The following GRIP1 variants were observed in gnomAD, a reference collection of about 807,000 sequenced individuals.
GRIP1 encodes glutamate receptor interacting protein 1.
Under a neutral mutation model 129.9 loss-of-function variants are expected in GRIP1, and 45 were observed. That is an observed-to-expected ratio of 0.35 (90% CI 0.27 to 0.44). The LOEUF (loss-of-function observed/expected upper bound fraction) is 0.44. GRIP1 is among the 20% of genes least tolerant of loss of function. The probability of loss-of-function intolerance (pLI) is 1.00; values close to 1 mark genes in which losing one functional copy is unlikely to be tolerated. For synonymous variants in GRIP1, 530 were observed against 520.8 expected, an observed-to-expected ratio of 1.02 and a Z score of -0.24; for missense variants, 1,196 against 1,396.8, an observed-to-expected ratio of 0.86 and a Z score of 2.29.
intron 1 of GRIP1, among the ~76,000 whole-genome samples, chr12:66,843,202 T>C (rs1364154964): frequency 6.6e-6 from 1 of 152,022 alleles, no homozygotes; most frequent in South Asian, 2.1e-4. Context: ...ACAATTCTAC[T>C]TATAATAACA....
At chr12:66,764,241 T>C (rs1390197881) in intron 1 of GRIP1, among the ~76,000 whole-genome samples, 1 of 152,220 alleles carries the variant, frequency 6.6e-6, no homozygotes, top group Admixed American at 6.5e-5. Context: ...ATAAGGAATG[T>C]AAACTCCAGT....
intron 1 of GRIP1, among the ~76,000 whole-genome samples, chr12:67,060,512 A>G (rs1356150583): frequency 2.0e-5 from 3 of 152,198 alleles, no homozygotes; most frequent in African/African-American, 7.2e-5. Flanking sequence ...TACATATTTA[A>G]GTAGTATAAT....
intron 2 of GRIP1, among the ~76,000 whole-genome samples, chr12:66,577,338 A>C (rs1221366985): frequency 6.6e-6 from 1 of 152,214 alleles, no homozygotes; most frequent in African/African-American, 2.4e-5. Flanking sequence ...GTAAGACAGT[A>C]AGTTTCCTGT....
chr12:66,847,880 G>A (rs1156637541), intron 1 of GRIP1, among the ~76,000 whole-genome samples: 3 of 152,280 alleles, frequency 2.0e-5, no homozygotes, highest in East Asian at 1.9e-4. Context: ...TACTGGATAT[G>A]AGTATGTGTT....
intron 1 of GRIP1, among the ~76,000 whole-genome samples, chr12:66,848,562 GA>G (rs1355401300): frequency 6.6e-6 from 1 of 152,098 alleles, no homozygotes; most frequent in Non-Finnish European, 1.5e-5. Context: ...ATGGGTCACA[GA>G]AGGTTTCCTG....
intron 1 of GRIP1, among the ~76,000 whole-genome samples, chr12:66,885,219 G>A (rs1044802971): frequency 5.3e-5 from 8 of 152,086 alleles, no homozygotes; most frequent in South Asian, 2.1e-4. Flanking sequence ...GGTGCCTCAC[G>A]CCCACGAAAG....
In GRIP1 at chr12:66,736,346, ATTTTTTTTTTTTTTTTTTTTTTTT is replaced by A. The variant is rs547706592; in HGVS notation, c.-420+67683_-420+67706del. ...AGGTGTGCACCACCGTGCCTGGCTAATTTTTTTTTTTTTTTTTTTTTTTTTTTTTTTTTTTTTTTTTTTTTTAGG... is the reference window on the plus strand; with the variant it reads ...AGGTGTGCACCACCGTGCCTGGCTAATTTTTTTTTTTTTTTTTTTTTTAGG... On this transcript the variant is annotated intron_variant, in intron 1 of 4. Coordinates refer to the GRIP1 transcript ENST00000538373. Among the ~76,000 whole-genome samples, 154 of 67,022 alleles carry A rather than the reference ATTTTTTTTTTTTTTTTTTTTTTTT, an allele frequency of 2.3e-3. 1 individual carries two copies. The highest frequency in any genetic ancestry group is 8.5e-3 in the Middle Eastern group (1 of 118). 44.0% of individuals were successfully genotyped at this position (67,022 alleles called of 152,430 possible). A position where few individuals can be genotyped will look rare whatever the true frequency, so the allele number is the denominator to read the frequency against.
intron 1 of GRIP1, among the ~76,000 whole-genome samples, chr12:66,918,278 G>C (rs2041159666): frequency 6.6e-6 from 1 of 151,948 alleles, no homozygotes; most frequent in Non-Finnish European, 1.5e-5. Flanking sequence ...TAGTTTGAAG[G>C]CAGTTAGGCA....
intron 15 of GRIP1, among the ~76,000 whole-genome samples, chr12:66,411,634 A>C (rs548080312): frequency 6.6e-6 from 1 of 152,340 alleles, no homozygotes; most frequent in Non-Finnish European, 1.5e-5. Context: ...AGCTGAGATG[A>C]CTGAATTGGC....
Position 66,504,194 on chromosome 12 carries a change from A to G in GRIP1, c.724+11425T>C, listed in dbSNP as rs574330676. On this transcript the variant is annotated intron_variant, in intron 7 of 24. Coordinates refer to ENST00000359742, the MANE Select transcript of GRIP1 (RefSeq NM_001366722.1). ...AATTACTAAGAGTAACCCAATATTT[A>G]GATTTATTCTAAATACAAAGTCTCT... 2.6e-5 allele frequency among the ~76,000 whole-genome samples: 4 copies of G among 152,292 alleles called. No homozygotes were observed. In the South Asian group the frequency reaches 8.3e-4, roughly 32 times the overall value.
At chr12:66,351,556 GT>G (rs72111092) in intron 24 of GRIP1, among the ~76,000 whole-genome samples, 68 of 49,448 alleles carry the variant, frequency 1.4e-3, no homozygotes, top group East Asian at 2.3e-3. Flanking sequence ...CAGGAAGGTG[GT>G]TTTTTTTTTT....
chr12:66,742,652 A>T (rs536048674), intron 1 of GRIP1, among the ~76,000 whole-genome samples: 2 of 152,236 alleles, frequency 1.3e-5, no homozygotes, highest in South Asian at 2.1e-4. Flanking sequence ...AAAAAAGTGC[A>T]TTGCAAAGTT....
chr12:66,791,253 G>A (rs767710414), intron 1 of GRIP1, among the ~76,000 whole-genome samples: 2 of 152,164 alleles, frequency 1.3e-5, no homozygotes, highest in African/African-American at 2.4e-5. Context: ...GAGAAGCAGA[G>A]TCAAGTAAAC....
intron 2 of GRIP1, among the ~76,000 whole-genome samples, chr12:66,588,620 C>A (rs1315644772): frequency 6.6e-6 from 1 of 152,100 alleles, no homozygotes; most frequent in African/African-American, 2.4e-5. Flanking sequence ...GGGGTTTATC[C>A]AAGGTCTACC....
chr12:66,970,760 A>G (rs1034113197), intron 1 of GRIP1, among the ~76,000 whole-genome samples: 8 of 152,096 alleles, frequency 5.3e-5, no homozygotes, highest in African/African-American at 1.7e-4. Flanking sequence ...ATGTTGCTGT[A>G]CTGTGACCTT....
intron 1 of GRIP1, among the ~76,000 whole-genome samples, chr12:67,048,330 A>T (rs2043287005): frequency 6.6e-6 from 1 of 152,220 alleles, no homozygotes; most frequent in Non-Finnish European, 1.5e-5. Context: ...AGGAAGAAAG[A>T]AAAGTTAGCC....
At chr12:66,464,884 T>C (rs929675891) in intron 8 of GRIP1, among the ~76,000 whole-genome samples, 12 of 152,126 alleles carry the variant, frequency 7.9e-5, no homozygotes, top group African/African-American at 2.9e-4. Flanking sequence ...TGTGTACATA[T>C]GTATGTATAT....
At chr12:66,676,169 C>T (rs2034318678) in intron 1 of GRIP1, among the ~76,000 whole-genome samples, 1 of 151,916 alleles carries the variant, frequency 6.6e-6, no homozygotes, top group African/African-American at 2.4e-5. Flanking sequence ...TGTCCCAGCC[C>T]AGAATTCTAA....
At chr12:66,561,110 T>C (rs994779476) in intron 2 of GRIP1, among the ~76,000 whole-genome samples, 8 of 152,308 alleles carry the variant, frequency 5.3e-5, no homozygotes, top group Non-Finnish European at 7.4e-5. Context: ...TGTTGTCACT[T>C]AATTGTGGGA....
Sources: allele counts gnomAD v4.1 joint callset (sites outside exome capture counted in the v4.1 genomes callset), GRCh38; gene constraint gnomAD v4.1.1; transcripts MANE v1.5; gene names NCBI Gene and HGNC (gene_info 2026-07-23, HGNC 2026-07-21).